The following CSGALNACT1 variants were observed in gnomAD, a reference collection of about 807,000 sequenced individuals.
CSGALNACT1 encodes chondroitin sulfate N-acetylgalactosaminyltransferase 1, also known as beta4GalNAcT-1.
CSGALNACT1 carries 52 observed loss-of-function variants against 51.0 expected under a neutral mutation model. The ratio of observed to expected loss-of-function variants is 1.02; its 90% CI spans 0.82 to 1.29. The LOEUF is 1.29. CSGALNACT1 is among the 50% of genes most tolerant of loss of function. The pLI, the probability that CSGALNACT1 is intolerant of heterozygous loss-of-function variation, is 0.00. For missense variants in CSGALNACT1, 935 were observed against 679.2 expected (o/e 1.38, Z -4.19); for synonymous variants, 341 against 254.4 (o/e 1.34, Z -3.24).
At chr8:19,533,663 C>A (rs2083208998) in intron 3 of CSGALNACT1, among the ~76,000 whole-genome samples, 1 of 152,078 alleles carries the variant, frequency 6.6e-6, no homozygotes, top group Non-Finnish European at 1.5e-5. Context: ...TCTTTGAGAG[C>A]AAGGAATGGC....
chr8:19,696,103 G>C (rs1262247022), intron 1 of CSGALNACT1, among the ~76,000 whole-genome samples: 1 of 152,180 alleles, frequency 6.6e-6, no homozygotes, highest in East Asian at 1.9e-4. Context: ...AAATTGGATA[G>C]GCAGGAATGC....
intron 1 of CSGALNACT1, among the ~76,000 whole-genome samples, chr8:19,632,232 C>T (rs1458292105): frequency 6.6e-6 from 1 of 152,208 alleles, no homozygotes; most frequent in East Asian, 1.9e-4. Flanking sequence ...TTTACATAAT[C>T]AAAATCACAT....
intron 5 of CSGALNACT1, among the ~76,000 whole-genome samples, chr8:19,453,876 C>A (rs919545880): frequency 6.9e-6 from 1 of 145,488 alleles, no homozygotes; most frequent in Non-Finnish European, 1.5e-5. Flanking sequence ...TGTGCCACTG[C>A]ACTCCAGCCT....
intron 3 of CSGALNACT1, among the ~76,000 whole-genome samples, chr8:19,564,893 A>G (rs2041592452): frequency 6.6e-6 from 1 of 152,238 alleles, no homozygotes; most frequent in Non-Finnish European, 1.5e-5. Flanking sequence ...GAACAGTGCC[A>G]GGCACACAGC....
chr8:19,693,955 T>TA (rs1267707428), intron 1 of CSGALNACT1, among the ~76,000 whole-genome samples: 1 of 151,914 alleles, frequency 6.6e-6, no homozygotes, highest in Non-Finnish European at 1.5e-5. Flanking sequence ...AGTGAATTTT[T>TA]TTTTCTTTCC....
At chr8:19,634,975 G>A (rs558229903) in intron 1 of CSGALNACT1, among the ~76,000 whole-genome samples, 1 of 152,206 alleles carries the variant, frequency 6.6e-6, no homozygotes, top group Non-Finnish European at 1.5e-5. Flanking sequence ...TCTGAGTCAG[G>A]ACTCTGTCAT....
Position 19,513,436 on chromosome 8 carries a change from CTATATATA to C in CSGALNACT1, c.-296-7314_-296-7307del, listed in dbSNP as rs1554650175. ...TCTCACTCTCTCTCTCTCTCTCTCT[CTATATATA>C]TATATATATATATATATATTTTGTG... On this transcript the variant is annotated intron_variant, in intron 3 of 9. Coordinates refer to ENST00000454498, the Ensembl canonical transcript of CSGALNACT1. Among the ~76,000 whole-genome samples, 436 of 81,956 alleles carry C rather than the reference CTATATATA, an allele frequency of 5.3e-3. 4 individuals are homozygous for C. Among genetic ancestry groups the C allele is most frequent in the African/African-American group, 0.015 (417 of 27,548 alleles). The allele number at this position is 81,956 out of a possible 152,430, so 53.8% of individuals were successfully genotyped here.
chr8:19,733,707 T>A (rs1459160321), intron 1 of CSGALNACT1, among the ~76,000 whole-genome samples: 1 of 152,212 alleles, frequency 6.6e-6, no homozygotes, highest in Non-Finnish European at 1.5e-5. Flanking sequence ...CTGAAAGACG[T>A]CTACATGTGC....
chr8:19,731,306 G>C (rs2063680183), intron 1 of CSGALNACT1, among the ~76,000 whole-genome samples: 4 of 152,074 alleles, frequency 2.6e-5, no homozygotes, highest in South Asian at 2.1e-4. Flanking sequence ...TCAGGAGTTC[G>C]AGGCCAGCCT....
chr8:19,629,376 T>C (rs1443453265), intron 1 of CSGALNACT1, among the ~76,000 whole-genome samples: 6 of 152,190 alleles, frequency 3.9e-5, no homozygotes, highest in African/African-American at 7.2e-5. Context: ...CCAGGACCCA[T>C]ATAAGACATT....
chr8:19,598,354 A>T (rs574570820), intron 2 of CSGALNACT1, among the ~76,000 whole-genome samples: 1 of 152,312 alleles, frequency 6.6e-6, no homozygotes, highest in South Asian at 2.1e-4. Context: ...AAATTGAAGC[A>T]GTGAAAGGTG....
chr8:19,652,362 TTA>T (rs1462221048), intron 1 of CSGALNACT1, among the ~76,000 whole-genome samples: 1 of 152,156 alleles, frequency 6.6e-6, no homozygotes, highest in Non-Finnish European at 1.5e-5. Flanking sequence ...TGATATAACT[TTA>T]TGTGACAGTA....
exon 1 of CSGALNACT1, chr8:19,602,060 A>C: frequency 3.1e-6 from 1 of 318,764 alleles, no homozygotes; most frequent in Non-Finnish European, 6.1e-6. Context: ...TTTGTTTAAA[A>C]AAAAATCAAG....
At chr8:19,459,932 G>T (rs1180330835) in intron 4 of CSGALNACT1, among the ~76,000 whole-genome samples, 2 of 152,142 alleles carry the variant, frequency 1.3e-5, no homozygotes, top group Non-Finnish European at 2.9e-5. Context: ...CACTTGTCAG[G>T]TTGAAGATAT....
chr8:19,666,983 GAAAGAAAGAAAGAAA>G (rs2059345627), intron 1 of CSGALNACT1, among the ~76,000 whole-genome samples: 1 of 18,922 alleles, frequency 5.3e-5, no homozygotes, highest in Non-Finnish European at 9.3e-5. Context: ...AAGAAAGAAA[GAAAGAAAGAAAGAAA>G]GAAAGAAAGA....
At chr8:19,617,398 T>C (rs2053181472) in intron 1 of CSGALNACT1, among the ~76,000 whole-genome samples, 1 of 152,148 alleles carries the variant, frequency 6.6e-6, no homozygotes, top group African/African-American at 2.4e-5. Context: ...TAAAAAGAAA[T>C]ACCTAGTCTC....
At chr8:19,686,410 G>C (rs17481235), upstream of CSGALNACT1, among the ~76,000 whole-genome samples, 1 of 152,002 alleles carries the variant, frequency 6.6e-6, no homozygotes, top group Admixed American at 6.5e-5. Flanking sequence ...AGCTACAGGA[G>C]TCTTGCTGCC....
At position 19,458,614 on chromosome 8, in the gene CSGALNACT1, C is replaced by T. The variant is rs750081917; in HGVS notation, c.663G>A (p.Gly221=). The change falls in exon 5 of 10, where the codon GGG becomes GGA. Residue 221 remains glycine, a synonymous_variant. Transcript: ENST00000454498. ...CTTTGAAGGTGAGCTCATACAATGT[C>T]CCTTTGTCCCTTTCTGTTCGGTAGA... 6.2e-6 allele frequency: 10 copies of T among 1,614,110 alleles called. 1 individual carries two copies. The Admixed American group carries it at 1.2e-4, about 19-fold the overall frequency.
rs2073556998 is a variant in CSGALNACT1, at chr8:19,488,386, T to TAC, written c.634+16814_634+16815insGT. ...TTATATATACATATATATATATATATATATATATATATATATATATATATA... is the reference window on the plus strand; with the variant it reads ...TTATATATACATATATATATATATATACATATATATATATATATATATATATA... On this transcript the variant is annotated intron_variant, in intron 4 of 9. Coordinates refer to ENST00000454498, the Ensembl canonical transcript of CSGALNACT1. Among the ~76,000 whole-genome samples the TAC allele has an allele frequency of 1.2e-4, 5 of 40,390 alleles. No individual in the cohort carries two copies. In the South Asian group the frequency reaches 3.4e-3, roughly 28 times the overall value. 26.5% of individuals were successfully genotyped at this position (40,390 alleles called of 152,430 possible).
Sources: allele counts gnomAD v4.1 joint callset (sites outside exome capture counted in the v4.1 genomes callset), GRCh38; gene constraint gnomAD v4.1.1; transcripts MANE v1.5; gene names NCBI Gene and HGNC (gene_info 2026-07-23, HGNC 2026-07-21).